Variants in TTN observed in about 807,000 individuals in gnomAD.
TTN encodes the protein titin.
Under a neutral mutation model 3,223.0 loss-of-function variants are expected in TTN, and 1,525 were observed. That is an observed-to-expected ratio of 0.47 (90% CI 0.45 to 0.49). The LOEUF (loss-of-function observed/expected upper bound fraction) is 0.49. TTN is among the 20% of genes least tolerant of loss of function. The pLI is 0.00. For synonymous variants in TTN, 14,094 were observed against 15,161.0 expected (o/e 0.93, Z 5.17); for missense variants, 40,786 against 43,424.0 (o/e 0.94, Z 5.40).
At chr2:178,754,230 T>C (rs2086344866) in intron 46 of TTN, among the ~76,000 whole-genome samples, 1 of 152,114 alleles carries the variant, frequency 6.6e-6, no homozygotes, top group Non-Finnish European at 1.5e-5. Context: ...TCTTGGTGGA[T>C]AACTCTGTAG....
At position 178,571,297 on chromosome 2, in the gene TTN, T is replaced by C; in HGVS notation, c.74835A>G (p.Leu24945=). The C allele has an allele frequency of 1.2e-6, 2 of 1,613,502 alleles. No homozygotes were observed. The change falls in exon 326 of 363, where the codon CTA becomes CTG. Residue 24945 remains leucine, a synonymous_variant. Coordinates refer to ENST00000589042, the MANE Select transcript of TTN (RefSeq NM_001267550.2). ...GGATGCTATTTCTTTCCTTGCGTTC[T>C]AGATGATAGCCAATGACTCTACTTC... ...DGGSRVIGYH[L]ERKERNSILW...
At chr2:178,746,169 C>G in intron 47 of TTN, 1 of 1,613,264 alleles carries the variant, frequency 6.2e-7, no homozygotes, top group Non-Finnish European at 8.5e-7. Flanking sequence ...TACCACTTAA[C>G]TTCGGGAGTC....
intron 223 of TTN, 51 bp from the exon 224 acceptor site, chr2:178,637,470 T>C (rs964628991): frequency 2.0e-5 from 24 of 1,189,262 alleles, no homozygotes; most frequent in Non-Finnish European, 2.6e-5. Flanking sequence ...ACTTATTTCA[T>C]GTTTAATAGT....
At chr2:178,795,635 G>A (rs1055512942) in intron 6 of TTN, among the ~76,000 whole-genome samples, 2 of 152,108 alleles carry the variant, frequency 1.3e-5, no homozygotes, top group African/African-American at 4.8e-5. Flanking sequence ...AATTCTGGGG[G>A]GGTTAGAGGA....
intron 45 of TTN, 55 bp downstream of exon 45, chr2:178,757,487 G>A (rs2087644388): frequency 6.7e-7 from 1 of 1,488,082 alleles, no homozygotes; most frequent in East Asian, 2.3e-5. Flanking sequence ...ATTAGTAACA[G>A]TGGGACTGAG....
intron 143 of TTN, 57 bp downstream of exon 143, chr2:178,678,689 AT>A: frequency 6.6e-7 from 1 of 1,514,414 alleles, no homozygotes; most frequent in Non-Finnish European, 9.0e-7. Flanking sequence ...AAACCAATTA[AT>A]TTTTACCCAT....
rs1180266100 is a variant in TTN, at chr2:178,563,347, A to G, written c.82785T>C (p.Ile27595=). ...SSVSLAWSKP[I]YDGGAPVKGY... is the part of the protein sequence containing the mutation. Reference sequence around the variant, plus strand: ...CTTTAACAGGTGCGCCACCATCATAAATTGGCTTACTCCATGCCAGGGAGA... The same window carrying G: ...CTTTAACAGGTGCGCCACCATCATAGATTGGCTTACTCCATGCCAGGGAGA... The change falls in exon 326 of 363, where the codon ATT becomes ATC. Residue 27595 remains isoleucine, a synonymous_variant. Transcript: ENST00000589042. This position sits in a 1 kb window ranked among gnomAD's most constrained non-coding sequence, Gnocchi z 4.5. 5 of 1,613,490 alleles carry G rather than the reference A, an allele frequency of 3.1e-6. No individual in the cohort carries two copies. The highest frequency in any genetic ancestry group is 1.1e-5 in the South Asian group (1 of 91,084).
In TTN at chr2:178,654,066, CT is replaced by C. The variant is rs1470726150; in HGVS notation, c.38409del (p.Glu12804LysfsTer143). The part of the protein sequence containing the change: ...KVPEAAQEVV[P>X]EKKIPKAPIK... ...ATTGGTGCCTTGGGAATTTTCTTTTCTGGGACAACTTCTTGAGCAGCTTCAG... is the reference window on the plus strand; with the variant it reads ...ATTGGTGCCTTGGGAATTTTCTTTTCGGGACAACTTCTTGAGCAGCTTCAG... On this transcript the variant is annotated frameshift_variant, in exon 194 of 363. Coordinates refer to ENST00000589042, the MANE Select transcript of TTN (RefSeq NM_001267550.2). LOFTEE classifies it high-confidence loss of function. The C allele has an allele frequency of 6.3e-7, 1 of 1,585,766 alleles. No individual in the cohort carries two copies. The highest frequency in any genetic ancestry group is 1.4e-5 in the African/African-American group (1 of 73,446).
intron 106 of TTN, among the ~76,000 whole-genome samples, chr2:178,703,372 A>C (rs995596319): frequency 1.3e-5 from 2 of 152,212 alleles, no homozygotes; most frequent in African/African-American, 4.8e-5. Flanking sequence ...TAGTACTTGC[A>C]GCTGGCCCTT....
rs1256487014 is a variant in TTN, at chr2:178,706,508, T to A, written c.29366A>T (p.Asp9789Val). 1 of 1,613,874 alleles carries A rather than the reference T, an allele frequency of 6.2e-7. No homozygotes were observed. Among genetic ancestry groups the A allele is most frequent in the Non-Finnish European group, 8.5e-7 (1 of 1,179,826 alleles). ...EIESNVNLQV[D>V]ERKKQEKIEG... is the part of the protein sequence containing the mutation. ...AATTTTCTCTTGTTTCTTCCTTTCA[T>A]CCACCTGTAAGTTAACATTACTTTC... Residue 9789 changes from aspartate to valine, a missense_variant, in exon 102 of 363, where the codon GAT (aspartate) becomes GTT (valine). By Grantham distance (152) the Asp-to-Val change is radical. Transcript: ENST00000589042.
Position 178,720,168 on chromosome 2 carries a change from G to T in TTN, c.23474C>A (p.Ser7825Tyr). 1 of 1,613,752 alleles carries T rather than the reference G, an allele frequency of 6.2e-7. No individual in the cohort carries two copies. The highest frequency in any genetic ancestry group is 8.5e-7 in the Non-Finnish European group (1 of 1,179,734). Residue 7825 changes from serine to tyrosine, a missense_variant, in exon 81 of 363, where the codon TCT (serine) becomes TAT (tyrosine). Ser to Tyr is a moderately radical substitution (Grantham distance 144). Coordinates refer to ENST00000589042, the MANE Select transcript of TTN (RefSeq NM_001267550.2). ...RAIVEGFQPI[S>Y]VVWLKDRGEV... The stretch of plus-strand genomic sequence containing the variant: ...ACCTCTATCTTTCAGCCAGACAACA[G>T]AAATTGGCTGGAAGCCCTCCACTAT...
At position 178,591,187 on chromosome 2, in the gene TTN, T is replaced by G. The variant is rs1030296243; in HGVS notation, c.60538A>C (p.Asn20180His). The change falls in exon 304 of 363, where the codon AAT becomes CAT. Residue 20180 changes from asparagine (N) to histidine (H), a missense_variant. Asn to His is a moderately conservative substitution (Grantham distance 68, BLOSUM62 1). Transcript: ENST00000589042. ...DVPGPPTGPI[N>H]ILDVTPEHMT... ...TGTTCAGGAGTAACATCCAGAATAT[T>G]AATAGGACCTGTTGGTGGCCCAGGA... The G allele has an allele frequency of 3.7e-6, 6 of 1,613,254 alleles. No homozygotes were observed. Among genetic ancestry groups the G allele is most frequent in the South Asian group, 2.2e-5 (2 of 91,064 alleles).
intron 47 of TTN, chr2:178,748,499 C>A (rs2084346443): frequency 1.9e-6 from 3 of 1,612,770 alleles, no homozygotes; most frequent in African/African-American, 2.7e-5. Flanking sequence ...AGTTTCTTGC[C>A]CTTGGAACTC....
rs879211202 is a variant in TTN, at chr2:178,549,844, T to A, written c.91878A>T (p.Pro30626=). ...CCCCAGTAATATTGGTGAATCTTAT[T>A]GGCCCAACTACTTTTCCTGGTGTAT... ...VQDTPGKVVG[P]IRFTNITGEK... Residue 30626 remains proline (P), a synonymous_variant, in exon 338 of 363, where the codon CCA becomes CCT. Transcript: ENST00000589042. 1.3e-5 allele frequency: 20 copies of A among 1,581,310 alleles called. No individual in the cohort carries two copies. Among genetic ancestry groups the A allele is most frequent in the Non-Finnish European group, 1.7e-5 (20 of 1,164,158 alleles).
rs1702228996 is a variant in TTN, at chr2:178,558,158, T to C, written c.87196A>G (p.Ile29066Val). ...VRAGSNLKVDIPISGKPLPKV... is the reference protein window; with the variant it reads ...VRAGSNLKVDVPISGKPLPKV... ...GGAAGTGGTTTTCCAGAGATTGGAA[T>C]GTCAACTTTAAGGTTTGAACCAGCT... The change falls in exon 328 of 363, where the codon ATT becomes GTT. Residue 29066 changes from isoleucine (I) to valine (V), a missense_variant. Transcript: ENST00000589042. The C allele has an allele frequency of 6.2e-7, 1 of 1,613,878 alleles. No homozygotes were observed. The highest frequency in any genetic ancestry group is 1.1e-5 in the South Asian group (1 of 91,080).
In TTN at chr2:178,673,621, G is replaced by C; in HGVS notation, c.34786+12C>G. 6.4e-7 allele frequency: 1 copy of C among 1,551,914 alleles called. No individual in the cohort carries two copies. The highest frequency in any genetic ancestry group is 8.7e-7 in the Non-Finnish European group (1 of 1,155,026). On this transcript the variant is annotated intron_variant, in intron 152 of 362. Transcript: ENST00000589042. ...GGAAGTTAAAGATATTAATAATGAG[G>C]ATTTGATATACCTTTAGCTGGTGGT...
chr2:178,688,366 G>T (rs1220016182), intron 126 of TTN, 142 bp from the exon 127 acceptor site: 6 of 771,314 alleles, frequency 7.8e-6, no homozygotes, highest in Non-Finnish European at 1.3e-5. Context: ...TAAGAAGGAG[G>T]AAGCTAATTT....
Position 178,573,508 on chromosome 2 carries a change from T to C in TTN, c.72624A>G (p.Pro24208=), listed in dbSNP as rs56293906. 1.9e-3 allele frequency: 2,820 copies of C among 1,498,518 alleles called. 41 individuals are homozygous for C. In the South Asian group the frequency reaches 0.02, roughly 11 times the overall value. The allele number at this position is 1,498,518 out of a possible 1,614,324, so 92.8% of individuals were successfully genotyped here. A position where few individuals can be genotyped will look rare whatever the true frequency, so the allele number is the denominator to read the frequency against. ...MAVNKYGVGE[P]LESEPVLAVN... ...CTGCAAGCACAGGCTCTGATTCCAG[T>C]GGCTCTCCCACTCCATATTTATTTA... The change falls in exon 326 of 363, where the codon CCA becomes CCG. Residue 24208 remains proline (P), a synonymous_variant. Transcript: ENST00000589042.
chr2:178,542,574 G>T lies in TTN; in HGVS notation c.97193-11C>A, dbSNP rs1325838803. 6.3e-7 allele frequency: 1 copy of T among 1,593,886 alleles called. No homozygotes were observed. The highest frequency in any genetic ancestry group is 1.1e-5 in the South Asian group (1 of 88,638). ...GTGGACCAGGCTTGTCTATGAAAGAGAAGAAATACAGGAAATTAATTTTTA... is the reference window on the plus strand; with the variant it reads ...GTGGACCAGGCTTGTCTATGAAAGATAAGAAATACAGGAAATTAATTTTTA... On this transcript the variant is annotated splice_polypyrimidine_tract_variant and intron_variant, in intron 348 of 362. Coordinates refer to ENST00000589042, the MANE Select transcript of TTN (RefSeq NM_001267550.2).
Sources: gnomAD v4.1 joint callset for allele counts (sites outside exome capture counted in the v4.1 genomes callset) on GRCh38, gnomAD v4.1.1 for gene constraint, Gnocchi (gnomAD v3.1) non-coding constraint, MANE v1.5 for transcripts, NCBI Gene and HGNC (gene_info 2026-07-23, HGNC 2026-07-21) for gene names.